The following TUSC3 variants were observed in gnomAD, a reference collection of about 807,000 sequenced individuals.
The protein encoded by TUSC3 is tumor suppressor candidate 3.
TUSC3 carries 45 observed loss-of-function variants against 44.8 expected under a neutral mutation model. The observed-to-expected ratio is 1.00, with a 90% CI of 0.79 to 1.29. The LOEUF is 1.29. Ranked by LOEUF, TUSC3 falls within the 50% of genes most tolerant of loss-of-function variation. The probability of loss-of-function intolerance (pLI) is 0.00; values close to 1 mark genes in which losing one functional copy is unlikely to be tolerated. For synonymous variants in TUSC3, 212 were observed against 152.9 expected (o/e 1.39, Z -2.85); for missense variants, 519 against 437.9 (o/e 1.19, Z -1.65).
chr8:15,423,189 C>G (rs561050277), intron 1 of TUSC3, among the ~76,000 whole-genome samples: 2 of 152,252 alleles, frequency 1.3e-5, no homozygotes, highest in Middle Eastern at 3.4e-3. Flanking sequence ...TGTACAAGCA[C>G]AGGTTCAGTG....
At position 15,461,886 on chromosome 8, in the gene TUSC3, C is replaced by T. The variant is rs139641045; in HGVS notation, n.92-21500C>T. Among the ~76,000 whole-genome samples, 244 of 151,726 alleles carry T rather than the reference C, an allele frequency of 1.6e-3. 4 individuals carry two copies. Among genetic ancestry groups the T allele is most frequent in the Admixed American group, 0.015 (223 of 15,224 alleles). On this transcript the variant is annotated intron_variant and non_coding_transcript_variant, in intron 1 of 5. Transcript: ENST00000503191. ...TTTTATTTTAAAATTTACTAAACTACGTATAAAAAAATACTGTATGAAACT... is the reference window on the plus strand; with the variant it reads ...TTTTATTTTAAAATTTACTAAACTATGTATAAAAAAATACTGTATGAAACT...
chr8:15,801,390 A>T, the TUSC3 span, among the ~76,000 whole-genome samples: 1 of 152,192 alleles, frequency 6.6e-6, no homozygotes, highest in African/African-American at 2.4e-5. Flanking sequence ...GGGGTGGCTG[A>T]GAGCATGTCT....
intron 1 of TUSC3, among the ~76,000 whole-genome samples, chr8:15,621,403 C>G (rs1401971810): frequency 6.6e-6 from 1 of 150,642 alleles, no homozygotes; most frequent in Non-Finnish European, 1.5e-5. Context: ...TTCTATGTCA[C>G]TTTCTACTGT....
intron 2 of TUSC3, among the ~76,000 whole-genome samples, chr8:15,488,764 G>C (rs970643739): frequency 3.3e-5 from 5 of 152,092 alleles, no homozygotes; most frequent in Non-Finnish European, 7.3e-5. Context: ...GCCAGGAAGG[G>C]GTCCTTACCA....
chr8:15,752,453 T>C (rs1030730452), intron 9 of TUSC3, among the ~76,000 whole-genome samples: 1 of 152,052 alleles, frequency 6.6e-6, no homozygotes, highest in Non-Finnish European at 1.5e-5. Flanking sequence ...CTTAACCAAT[T>C]TGGGTGAATT....
intron 2 of TUSC3, among the ~76,000 whole-genome samples, chr8:15,512,741 A>G (rs1563270758): frequency 6.6e-6 from 1 of 151,522 alleles, no homozygotes; most frequent in Non-Finnish European, 1.5e-5. Context: ...GCACTGCATT[A>G]CAGCCTGGGC....
chr8:15,737,550 T>A (rs1350449810), intron 7 of TUSC3, among the ~76,000 whole-genome samples: 1 of 152,240 alleles, frequency 6.6e-6, no homozygotes. Context: ...AAATATATAT[T>A]GCCATGATAT....
At chr8:15,785,119 G>T in the TUSC3 span, among the ~76,000 whole-genome samples, 1,470 of 151,986 alleles carry the variant, frequency 9.7e-3, 27 homozygotes, top group African/African-American at 0.034. Flanking sequence ...AACATATTAG[G>T]TACAGTGCAC....
the TUSC3 span, among the ~76,000 whole-genome samples, chr8:15,849,029 T>G: frequency 1.3e-5 from 2 of 152,314 alleles, no homozygotes; most frequent in African/African-American, 4.8e-5. Context: ...ATACTTTTAA[T>G]AAAGTAAGAG....
rs553815384 is a variant in TUSC3 at position 15,487,196 on chromosome 8, A to G, written n.189+3713A>G. Among the ~76,000 whole-genome samples, 26 of 152,190 alleles carry G rather than the reference A, an allele frequency of 1.7e-4. No homozygotes were observed. In the East Asian group the frequency reaches 4.4e-3, roughly 26 times the overall value. ...AGTTCTTTATATTTTTCTTCTTTCA[A>G]TGATCTGACCGTATTTCTACTACTT... On this transcript the variant is annotated intron_variant and non_coding_transcript_variant, in intron 2 of 5. Transcript: ENST00000503191.
intron 2 of TUSC3, among the ~76,000 whole-genome samples, chr8:15,510,785 GAA>G (rs1458065463): frequency 6.6e-6 from 1 of 150,772 alleles, no homozygotes; most frequent in African/African-American, 2.4e-5. Context: ...AAAAAAAACA[GAA>G]AGACAAATAT....
intron 5 of TUSC3, among the ~76,000 whole-genome samples, chr8:15,662,974 T>G (rs1473615351): frequency 6.6e-6 from 1 of 151,874 alleles, no homozygotes; most frequent in Non-Finnish European, 1.5e-5. Flanking sequence ...GCCTGGGATA[T>G]TCAGAGAACT....
intron 6 of TUSC3, among the ~76,000 whole-genome samples, chr8:15,714,683 C>T (rs569165154): frequency 6.0e-4 from 91 of 152,214 alleles, no homozygotes; most frequent in African/African-American, 2.1e-3. Flanking sequence ...TTCTTGTCCT[C>T]TGTCTGCTAG....
intron 1 of TUSC3, among the ~76,000 whole-genome samples, chr8:15,429,425 T>C (rs1205341490): frequency 6.7e-6 from 1 of 149,996 alleles, no homozygotes; most frequent in Non-Finnish European, 1.5e-5. Flanking sequence ...CTTTGTTCTT[T>C]TGGCTTAGGA....
chr8:15,662,606 G>T (rs2129180159), intron 5 of TUSC3, among the ~76,000 whole-genome samples: 1 of 151,994 alleles, frequency 6.6e-6, no homozygotes, highest in Non-Finnish European at 1.5e-5. Flanking sequence ...TTTGCAAATG[G>T]TTTGGAAATT....
At position 15,690,726 on chromosome 8, in the gene TUSC3, A is replaced by T. The variant is rs573977616; in HGVS notation, c.798+16890A>T. Reference sequence around the variant, plus strand: ...TTCAGTCATCTGCATATGGCTAGCAAGTTATCCCAGCACCCCTTACTGAAT... The same window carrying T: ...TTCAGTCATCTGCATATGGCTAGCATGTTATCCCAGCACCCCTTACTGAAT... On this transcript the variant is annotated intron_variant, in intron 6 of 10. Transcript: ENST00000503731. Among the ~76,000 whole-genome samples the T allele has an allele frequency of 2.6e-5, 4 of 152,212 alleles. No individual in the cohort carries two copies. In the South Asian group the frequency reaches 6.2e-4, roughly 24 times the overall value.
At chr8:15,523,737 TAGG>T (rs1268557126) in intron 2 of TUSC3, among the ~76,000 whole-genome samples, 1 of 138,318 alleles carries the variant, frequency 7.2e-6, no homozygotes, top group South Asian at 2.4e-4. Context: ...AAGTAGTTCT[TAGG>T]AGAGGAAATG....
At chr8:15,626,947 A>G (rs1435018126) in intron 2 of TUSC3, among the ~76,000 whole-genome samples, 2 of 146,032 alleles carry the variant, frequency 1.4e-5, no homozygotes, top group Non-Finnish European at 3.0e-5. Flanking sequence ...TCCTGATGAA[A>G]CCCCACCTTC....
the TUSC3 span, among the ~76,000 whole-genome samples, chr8:15,794,190 G>T: frequency 5.3e-5 from 8 of 152,062 alleles, no homozygotes; most frequent in African/African-American, 1.9e-4. Context: ...GCATCATTTG[G>T]GCCTTTGAGA....
Sources: gnomAD v4.1 joint callset for allele counts (sites outside exome capture counted in the v4.1 genomes callset) on GRCh38, gnomAD v4.1.1 for gene constraint, MANE v1.5 for transcripts, NCBI Gene and HGNC (gene_info 2026-07-23, HGNC 2026-07-21) for gene names.